The following RIN3 variants were observed in gnomAD, a reference collection of about 807,000 sequenced individuals.
RIN3 encodes the protein Ras and Rab interactor 3, also known as RAB5 interacting protein 3.
RIN3 carries 54 observed loss-of-function variants against 76.3 expected under a neutral mutation model. The ratio of observed to expected loss-of-function variants is 0.71; its 90% CI spans 0.57 to 0.89. The LOEUF is 0.89. RIN3 is among the 40% of genes least tolerant of loss of function. The pLI is 0.00. For synonymous variants in RIN3, 576 were observed against 564.0 expected (o/e 1.02, Z -0.30); for missense variants, 1,256 against 1,322.1 (o/e 0.95, Z 0.78).
chr14:92,651,885 G>GCCCCCCCCCCCCCCCC lies in RIN3; in HGVS notation c.839_840insCCCCCCCCCCCCCCCC (p.Val286ThrfsTer143). 7.1e-7 allele frequency: 1 copy of GCCCCCCCCCCCCCCCC among 1,411,026 alleles called. No homozygotes were observed. Among genetic ancestry groups the GCCCCCCCCCCCCCCCC allele is most frequent in the Non-Finnish European group, 9.4e-7 (1 of 1,069,468 alleles). The allele number at this position is 1,411,026 out of a possible 1,614,324, so 87.4% of individuals were successfully genotyped here. On this transcript the variant is annotated frameshift_variant, in exon 6 of 10. Transcript: ENST00000216487. LOFTEE classifies it high-confidence loss of function. ...CCCACCTCCAGGTGGGCCCCACGCC[G>GCCCCCCCCCCCCCCCC]CCCACCACCCCCTCCCCCAGTGCTG...
chr14:92,678,656 A>G (rs946545329), intron 8 of RIN3, among the ~76,000 whole-genome samples: 1 of 151,040 alleles, frequency 6.6e-6, no homozygotes, highest in African/African-American at 2.4e-5. Context: ...TCTACCATCC[A>G]TCCATCCACC....
At chr14:92,634,068 CTTTTTTTTTTTTT>C (rs6145445) in intron 4 of RIN3, among the ~76,000 whole-genome samples, 1 of 108,106 alleles carries the variant, frequency 9.3e-6, no homozygotes, top group Non-Finnish European at 2.0e-5. Context: ...CTAAAAATCC[CTTTTTTTTTTTTT>C]TTTTTTTTTT....
At chr14:92,620,594 A>G (rs1886138695) in intron 4 of RIN3, among the ~76,000 whole-genome samples, 1 of 152,208 alleles carries the variant, frequency 6.6e-6, no homozygotes, top group Admixed American at 6.5e-5. Context: ...AAAGCCTTCC[A>G]CTAGGAACTA....
chr14:92,559,533 C>T (rs1188187449), intron 2 of RIN3, among the ~76,000 whole-genome samples: 4 of 152,208 alleles, frequency 2.6e-5, no homozygotes, highest in South Asian at 2.1e-4. Context: ...CTGTCCTCTC[C>T]GAGGGTCTGG....
At chr14:92,563,664 G>A (rs1897840316) in intron 2 of RIN3, among the ~76,000 whole-genome samples, 1 of 152,106 alleles carries the variant, frequency 6.6e-6, no homozygotes, top group African/African-American at 2.4e-5. Flanking sequence ...ACCCTCAGAA[G>A]TGCTTCTCTT....
intron 3 of RIN3, among the ~76,000 whole-genome samples, chr14:92,611,546 G>C (rs7157252): frequency 0.5 from 76,085 of 152,018 alleles, 19,903 homozygotes; most frequent in Admixed American, 0.61. Context: ...AGCCATCGCA[G>C]CCAGCCCATC....
intron 2 of RIN3, among the ~76,000 whole-genome samples, chr14:92,558,103 C>T (rs1897651014): frequency 6.6e-6 from 1 of 152,236 alleles, no homozygotes; most frequent in African/African-American, 2.4e-5. Flanking sequence ...AATCCCAGCA[C>T]TTTGGGAGGC....
At chr14:92,665,048 C>A (rs897398465) in intron 7 of RIN3, among the ~76,000 whole-genome samples, 2 of 152,146 alleles carry the variant, frequency 1.3e-5, no homozygotes, top group Non-Finnish European at 2.9e-5. Flanking sequence ...AGGAGTGCGT[C>A]ATTAGACAAT....
intron 3 of RIN3, among the ~76,000 whole-genome samples, chr14:92,608,570 T>C (rs1480516504): frequency 6.6e-6 from 1 of 151,912 alleles, no homozygotes; most frequent in Non-Finnish European, 1.5e-5. Context: ...AGTCTCACTC[T>C]GTTGCCCAGG....
chr14:92,672,652 GTGTGTGCA>G (rs1566898731), intron 7 of RIN3, among the ~76,000 whole-genome samples: 6 of 131,196 alleles, frequency 4.6e-5, no homozygotes, highest in African/African-American at 8.1e-5. Flanking sequence ...ATATATATAT[GTGTGTGCA>G]TGTGTGTGTG....
chr14:92,536,146 G>A (rs992959590), intron 1 of RIN3, among the ~76,000 whole-genome samples: 1 of 152,096 alleles, frequency 6.6e-6, no homozygotes, highest in African/African-American at 2.4e-5. Context: ...CATAAGCCTT[G>A]ATATCCTGCA....
At chr14:92,519,239 T>C (rs1896527135) in intron 1 of RIN3, among the ~76,000 whole-genome samples, 2 of 152,218 alleles carry the variant, frequency 1.3e-5, no homozygotes, top group Non-Finnish European at 2.9e-5. Context: ...TTTGGCTCAT[T>C]ACCCTGACCA....
rs552816656 is a variant in RIN3, at chr14:92,636,083, G to A, written c.441-5155G>A. ...TGTGCCCCAGTCTTCGGAGCTGCGA[G>A]ATGAGTGTAAGGAAAGTACCTGCTT... On this transcript the variant is annotated intron_variant, in intron 4 of 9. Coordinates refer to ENST00000216487, the MANE Select transcript of RIN3 (RefSeq NM_024832.5). Among the ~76,000 whole-genome samples, 3 of 152,326 alleles carry A rather than the reference G, an allele frequency of 2.0e-5. No individual in the cohort carries two copies. In the South Asian group the frequency reaches 6.2e-4, roughly 32 times the overall value.
intron 3 of RIN3, among the ~76,000 whole-genome samples, chr14:92,614,903 G>A (rs1020435417): frequency 1.8e-4 from 27 of 147,418 alleles, no homozygotes; most frequent in African/African-American, 6.1e-4. Flanking sequence ...AAATGCTGTG[G>A]TGCAGTCTCG....
At chr14:92,520,133 A>C (rs1201542392) in intron 1 of RIN3, among the ~76,000 whole-genome samples, 1 of 152,204 alleles carries the variant, frequency 6.6e-6, no homozygotes, top group African/African-American at 2.4e-5. Context: ...CAACCAGTAC[A>C]TGTTTAATGG....
At chr14:92,628,041 C>T (rs1231065970) in intron 4 of RIN3, among the ~76,000 whole-genome samples, 3 of 152,270 alleles carry the variant, frequency 2.0e-5, no homozygotes, top group East Asian at 3.9e-4. Context: ...AGGCTAATTC[C>T]GATTGGCTAC....
chr14:92,579,143 G>T (rs1291541107), intron 3 of RIN3, among the ~76,000 whole-genome samples: 3 of 151,918 alleles, frequency 2.0e-5, no homozygotes, highest in Non-Finnish European at 2.9e-5. Context: ...GGTCAGGCTG[G>T]TCTCGAACCC....
At chr14:92,543,258 G>C (rs562284648) in intron 1 of RIN3, among the ~76,000 whole-genome samples, 4 of 152,222 alleles carry the variant, frequency 2.6e-5, no homozygotes, top group African/African-American at 9.6e-5. Context: ...AGGCTTTATG[G>C]GGGGTGGGGG....
At chr14:92,668,534 T>C (rs2140160932) in intron 7 of RIN3, among the ~76,000 whole-genome samples, 1 of 152,280 alleles carries the variant, frequency 6.6e-6, no homozygotes, top group African/African-American at 2.4e-5. Context: ...CCAGCATCTG[T>C]GCAAAGTGCA....
Sources: gnomAD v4.1 joint callset for allele counts (sites outside exome capture counted in the v4.1 genomes callset) on GRCh38, gnomAD v4.1.1 for gene constraint, MANE v1.5 for transcripts, NCBI Gene and HGNC (gene_info 2026-07-23, HGNC 2026-07-21) for gene names.